THUMPD3: variants seen among roughly 807,000 people sequenced by gnomAD.
THUMPD3 encodes THUMP domain 3 tRNA guanosine methyltransferase.
THUMPD3 carries 44 observed loss-of-function variants against 54.5 expected under a neutral mutation model. The ratio of observed to expected loss-of-function variants is 0.81; its 90% confidence interval spans 0.63 to 1.04. The LOEUF (loss-of-function observed/expected upper bound fraction) is 1.04, where lower values mean the gene tolerates loss of function less well. Ranked by LOEUF, THUMPD3 falls within the 50% of genes least tolerant of loss-of-function variation. The probability of loss-of-function intolerance (pLI) is 0.00; values close to 1 mark genes in which losing one functional copy is unlikely to be tolerated. For synonymous variants in THUMPD3, 196 were observed against 201.4 expected, an observed-to-expected ratio of 0.97 and a Z score of 0.23; for missense variants, 604 against 601.3, an observed-to-expected ratio of 1.00 and a Z score of -0.05.
chr3:9,368,024 C>T (rs974527636), intron 3 of THUMPD3, among the ~76,000 whole-genome samples: 1 of 151,828 alleles, frequency 6.6e-6, no homozygotes, highest in Admixed American at 6.6e-5. Flanking sequence ...GAGATCACAC[C>T]ACTGCACTCC....
At chr3:9,374,837 C>A (rs912361368) in intron 5 of THUMPD3, among the ~76,000 whole-genome samples, 191 bp downstream of exon 5, 2 of 152,082 alleles carry the variant, frequency 1.3e-5, no homozygotes, top group African/African-American at 2.4e-5. Context: ...TCTGAAAATA[C>A]TGCTTAATAG....
chr3:9,380,424 G>C, intron 6 of THUMPD3, 79 bp from the exon 7 acceptor site: 1 of 990,306 alleles, frequency 1.0e-6, no homozygotes, highest in South Asian at 1.5e-5. Flanking sequence ...AAAAGCACTG[G>C]ATTTTCTTTG....
intron 3 of THUMPD3, 88 bp from the exon 4 acceptor site, chr3:9,370,972 A>C (rs1350025999): frequency 9.7e-6 from 11 of 1,136,348 alleles, no homozygotes. Flanking sequence ...TCCCCCACGG[A>C]TACCAACTGT....
rs559783448 is a variant in THUMPD3, at chr3:9,369,500, C to T, written c.331-1560C>T. Reference sequence around the variant, plus strand: ...CTGAACCATCAGAAAGCAAAGGTGTCACTATCTCAGCTACCTGTGTGGCAT... The same window carrying T: ...CTGAACCATCAGAAAGCAAAGGTGTTACTATCTCAGCTACCTGTGTGGCAT... On this transcript the variant is annotated intron_variant, in intron 3 of 9. Transcript: ENST00000452837. Among the ~76,000 whole-genome samples the T allele has an allele frequency of 3.3e-5, 5 of 152,144 alleles. No individual in the cohort carries two copies. In the East Asian group the frequency reaches 9.7e-4, roughly 29 times the overall value.
intron 3 of THUMPD3, among the ~76,000 whole-genome samples, chr3:9,370,366 TG>T (rs1402808522): frequency 6.6e-6 from 1 of 152,236 alleles, no homozygotes; most frequent in Non-Finnish European, 1.5e-5. Flanking sequence ...CCTTTATATT[TG>T]GCTGATAGTT....
At chr3:9,367,508 G>A (rs182298038) in intron 3 of THUMPD3, among the ~76,000 whole-genome samples, 5 of 152,280 alleles carry the variant, frequency 3.3e-5, no homozygotes, top group Non-Finnish European at 1.5e-5. Context: ...CTAAGCTGAA[G>A]GTTGAAAATA....
At chr3:9,367,689 T>C (rs375436202) in intron 3 of THUMPD3, among the ~76,000 whole-genome samples, 7 of 152,352 alleles carry the variant, frequency 4.6e-5, no homozygotes, top group Admixed American at 2.6e-4. Context: ...GCAAGCATGT[T>C]GATTTCCAAA....
rs1169011269 is a variant in THUMPD3 at position 9,385,355 on chromosome 3, A to G, written c.*667A>G. 1 of 152,244 alleles carries G rather than the reference A, an allele frequency of 6.6e-6. No individual in the cohort carries two copies. Among genetic ancestry groups the G allele is most frequent in the Non-Finnish European group, 1.5e-5 (1 of 68,064 alleles). 9.4% of individuals were successfully genotyped at this position (152,244 alleles called of 1,614,324 possible). The stretch of plus-strand genomic sequence containing the variant: ...ACCCTGGCCCAAAGGAAGGGCAGAG[A>G]ACATAATTACATCTTAGGCCACATT... On this transcript the variant is annotated 3_prime_UTR_variant, in exon 10 of 10. Transcript: ENST00000452837.
rs138751481 is a variant in THUMPD3, at chr3:9,384,318, A to G, written c.1342A>G (p.Thr448Ala). Residue 448 changes from threonine (T) to alanine (A), a missense_variant, in exon 9 of 10, where the codon ACA (threonine) becomes GCA (alanine). By Grantham distance (58) the Thr-to-Ala change is moderately conservative. Transcript: ENST00000452837. ...CCGAGCTGTACTACTTACTCAAGAC[A>G]CAAAATGCTTTACCAAGGTGCTATA... The part of the protein sequence containing the change: ...TGRAVLLTQD[T>A]KCFTKALSGM... 3.2e-5 allele frequency: 52 copies of G among 1,613,888 alleles called. No individual in the cohort carries two copies. The African/African-American group carries it at 6.4e-4, about 20-fold the overall frequency.
intron 1 of THUMPD3, among the ~76,000 whole-genome samples, chr3:9,364,587 T>G (rs1007152022): frequency 6.6e-6 from 1 of 152,150 alleles, no homozygotes; most frequent in African/African-American, 2.4e-5. Context: ...CCTCAGGCAA[T>G]CTGCCCGCCT....
intron 3 of THUMPD3, among the ~76,000 whole-genome samples, chr3:9,370,132 C>T (rs2031913171): frequency 6.6e-6 from 1 of 152,104 alleles, no homozygotes; most frequent in Non-Finnish European, 1.5e-5. Flanking sequence ...TTTTATTTAT[C>T]AGCTTTAACT....
rs1479649114 is a variant in THUMPD3, at chr3:9,380,652, G to C, written c.1124+34G>C. 3.2e-6 allele frequency: 4 copies of C among 1,248,946 alleles called. No individual in the cohort carries two copies. The East Asian group carries it at 1.6e-4, about 51-fold the overall frequency. 77.4% of individuals were successfully genotyped at this position (1,248,946 alleles called of 1,614,324 possible). A position where few individuals can be genotyped will look rare whatever the true frequency, so the allele number is the denominator to read the frequency against. Reference sequence around the variant, plus strand: ...TTAAAAGATTTCTTAGCATCTTTTAGAGTTAGAGAATCACTTTTTATATTG... The same window carrying C: ...TTAAAAGATTTCTTAGCATCTTTTACAGTTAGAGAATCACTTTTTATATTG... On this transcript the variant is annotated intron_variant, in intron 7 of 9. Transcript: ENST00000452837.
rs1575048652 is a variant in THUMPD3, at chr3:9,365,060, A to C, written c.-9A>C. The C allele has an allele frequency of 6.2e-7, 1 of 1,611,676 alleles. No homozygotes were observed. The highest frequency in any genetic ancestry group is 2.2e-5 in the East Asian group (1 of 44,816). On this transcript the variant is annotated 5_prime_UTR_variant, in exon 2 of 10. Coordinates refer to ENST00000452837, the MANE Select transcript of THUMPD3 (RefSeq NM_001114092.2). ...AGACAGTGTTAGGGATCTTGGAAGC[A>C]CAGCCAACATGTGTGACATTGAAGA...
chr3:9,384,569 T>C lies in THUMPD3; in HGVS notation c.1405T>C (p.Trp469Arg), dbSNP rs552706046. 8.1e-6 allele frequency: 13 copies of C among 1,614,246 alleles called. No homozygotes were observed. The African/African-American group carries it at 1.7e-4, about 22-fold the overall frequency. Residue 469 changes from tryptophan to arginine, a missense_variant, in exon 10 of 10, where the codon TGG becomes CGG. Trp to Arg is a moderately radical substitution (Grantham distance 101). Coordinates refer to ENST00000452837, the MANE Select transcript of THUMPD3 (RefSeq NM_001114092.2). Reference protein sequence around the residue: ...RHVWRKVDTVWVNVGGLRAAV... With the variant: ...RHVWRKVDTVRVNVGGLRAAV... Reference sequence around the variant, plus strand: ...CGTATGGCGAAAGGTGGATACAGTCTGGGTGAACGTTGGTGGTCTTCGTGC... The same window carrying C: ...CGTATGGCGAAAGGTGGATACAGTCCGGGTGAACGTTGGTGGTCTTCGTGC...
chr3:9,383,153 T>G (rs1329425759), intron 7 of THUMPD3, 46 bp from the exon 8 acceptor site: 2 of 1,366,348 alleles, frequency 1.5e-6, no homozygotes, highest in South Asian at 2.4e-5. Flanking sequence ...TTGTAATAAC[T>G]TTATGCTTCA....
intron 7 of THUMPD3, 88 bp from the exon 8 acceptor site, chr3:9,383,111 C>CTG (rs769586349): frequency 3.1e-5 from 25 of 794,724 alleles, no homozygotes; most frequent in Non-Finnish European, 5.2e-5. Context: ...TTATGTTTTG[C>CTG]TGTAGCAGTC....
chr3:9,384,749 G>C lies in THUMPD3; in HGVS notation c.*61G>C. ...AAATGTTAGCATAAAAGAACTTGGA[G>C]AGGAAAAAAGTATTAACAAAACTGC... On this transcript the variant is annotated 3_prime_UTR_variant, in exon 10 of 10. Transcript: ENST00000452837. The C allele has an allele frequency of 1.3e-6, 2 of 1,591,062 alleles. No homozygotes were observed. Among genetic ancestry groups the C allele is most frequent in the Non-Finnish European group, 1.7e-6 (2 of 1,165,700 alleles).
intron 7 of THUMPD3, among the ~76,000 whole-genome samples, chr3:9,382,074 T>C (rs1410282765): frequency 1.3e-5 from 2 of 152,224 alleles, no homozygotes; most frequent in South Asian, 2.1e-4. Flanking sequence ...TGAGCCACTG[T>C]GCCCGGCCTC....
intron 7 of THUMPD3, among the ~76,000 whole-genome samples, chr3:9,382,133 C>G (rs2032970173): frequency 6.6e-6 from 1 of 151,996 alleles, no homozygotes; most frequent in Admixed American, 6.5e-5. Context: ...TATTTTTTGC[C>G]TTTTGTTTTG....
Sources: gnomAD v4.1 joint callset for allele counts (sites outside exome capture counted in the v4.1 genomes callset) on GRCh38, gnomAD v4.1.1 for gene constraint, MANE v1.5 for transcripts, NCBI Gene and HGNC (gene_info 2026-07-23, HGNC 2026-07-21) for gene names.